Variants in MFHAS1 observed in about 807,000 individuals in gnomAD.
MFHAS1 encodes malignant fibrous histiocytoma-amplified sequence 1.
MFHAS1 carries 50 observed loss-of-function variants against 70.4 expected under a neutral mutation model. The ratio of observed to expected loss-of-function variants is 0.71; its 90% CI spans 0.57 to 0.90. The LOEUF is 0.90. MFHAS1 is among the 40% of genes least tolerant of loss of function. MFHAS1 has a pLI of 0.00. For synonymous variants in MFHAS1, 952 were observed against 620.0 expected (o/e 1.54, Z -7.96); for missense variants, 1,795 against 1,347.6 (o/e 1.33, Z -5.20).
At chr8:8,852,230 T>A (rs1481940402) in intron 1 of MFHAS1, among the ~76,000 whole-genome samples, 4 of 152,104 alleles carry the variant, frequency 2.6e-5, no homozygotes, top group Non-Finnish European at 4.4e-5. Context: ...GTAATCACAT[T>A]TGGGAAGCCG....
rs541687170 is a variant in MFHAS1 at position 8,807,213 on chromosome 8, C to T, written c.2999-9722G>A. On this transcript the variant is annotated intron_variant, in intron 1 of 2. Transcript: ENST00000276282. The stretch of plus-strand genomic sequence containing the variant: ...ACGTCCTTATCTGACCAAGAGCGCT[C>T]ACCAAAAGAAACATAAATGCTTTCT... 3.5e-4 allele frequency among the ~76,000 whole-genome samples: 54 copies of T among 152,220 alleles called. No individual in the cohort carries two copies. In the South Asian group the frequency reaches 0.01, roughly 29 times the overall value.
Position 8,892,054 on chromosome 8 carries a change from C to A in MFHAS1, c.1005G>T (p.Pro335=), listed in dbSNP as rs1810075301. Residue 335 remains proline, a synonymous_variant, in exon 1 of 3, where the codon CCG becomes CCT. Transcript: ENST00000276282. This position sits in a 1 kb window ranked among gnomAD's most constrained non-coding sequence, Gnocchi z 4.7. ...GGCCGGTCAGCTCCACGATGGAGTC[C>A]GGCAGGTAGCGGATGCGGTTATTAT... ...WLDNNRIRYL[P]DSIVELTGLE... 1 of 1,613,348 alleles carries A rather than the reference C, an allele frequency of 6.2e-7. No homozygotes were observed. The highest frequency in any genetic ancestry group is 8.5e-7 in the Non-Finnish European group (1 of 1,180,002).
chr8:8,882,685 C>G (rs1038270044), intron 1 of MFHAS1, among the ~76,000 whole-genome samples: 8 of 152,210 alleles, frequency 5.3e-5, no homozygotes, highest in African/African-American at 1.9e-4. Context: ...CTGACCCCTT[C>G]TACCTGATCT....
intron 1 of MFHAS1, among the ~76,000 whole-genome samples, chr8:8,812,169 C>A (rs905974103): frequency 3.4e-5 from 4 of 119,070 alleles, no homozygotes; most frequent in African/African-American, 1.0e-4. Context: ...CTCGGAGAAG[C>A]CCGTAAGTGT....
At chr8:8,871,262 A>G (rs1809065298) in intron 1 of MFHAS1, among the ~76,000 whole-genome samples, 1 of 152,114 alleles carries the variant, frequency 6.6e-6, no homozygotes, top group Non-Finnish European at 1.5e-5. Flanking sequence ...GGTAAAAACT[A>G]CTTGCAGCTG....
At chr8:8,889,981 T>C (rs907704556) in intron 1 of MFHAS1, 80 bp downstream of exon 1, 91 of 1,217,860 alleles carry the variant, frequency 7.5e-5, no homozygotes, top group Non-Finnish European at 1.0e-4. Flanking sequence ...AAACAAACAT[T>C]CTGCCAAATG....
At chr8:8,829,950 A>G (rs1284852675) in intron 1 of MFHAS1, among the ~76,000 whole-genome samples, 1 of 152,224 alleles carries the variant, frequency 6.6e-6, no homozygotes, top group Admixed American at 6.5e-5. Flanking sequence ...CTGTTCAACT[A>G]GAACAGTGCT....
At chr8:8,859,126 A>G (rs1172544701) in intron 1 of MFHAS1, among the ~76,000 whole-genome samples, 1 of 152,168 alleles carries the variant, frequency 6.6e-6, no homozygotes, top group African/African-American at 2.4e-5. Context: ...GCTGAGATGC[A>G]AGGATCACTT....
At chr8:8,828,368 G>A (rs1259512192) in intron 1 of MFHAS1, among the ~76,000 whole-genome samples, 2 of 152,220 alleles carry the variant, frequency 1.3e-5, no homozygotes, top group Non-Finnish European at 2.9e-5. Context: ...ATAGTGGGGA[G>A]GCAGAACACA....
At chr8:8,829,392 T>C (rs762270983) in intron 1 of MFHAS1, among the ~76,000 whole-genome samples, 3 of 152,236 alleles carry the variant, frequency 2.0e-5, no homozygotes, top group Non-Finnish European at 2.9e-5. Flanking sequence ...TATCAGATCG[T>C]GAGATCTGTC....
chr8:8,801,256 T>G (rs375565377), intron 1 of MFHAS1, among the ~76,000 whole-genome samples: 1 of 152,072 alleles, frequency 6.6e-6, no homozygotes, highest in Non-Finnish European at 1.5e-5. Context: ...AGCAGACTAT[T>G]AAGCCTCCAT....
Position 8,892,759 on chromosome 8 carries a change from G to A in MFHAS1, c.300C>T (p.Ala100=), listed in dbSNP as rs755029132. The A allele has an allele frequency of 2.5e-6, 4 of 1,578,278 alleles. No homozygotes were observed. Among genetic ancestry groups the A allele is most frequent in the Non-Finnish European group, 2.6e-6 (3 of 1,164,158 alleles). The change falls in exon 1 of 3, where the codon GCC becomes GCT. Residue 100 remains alanine (A), a synonymous_variant. Coordinates refer to ENST00000276282, the MANE Select transcript of MFHAS1 (RefSeq NM_004225.3). This position sits in a 1 kb window ranked among gnomAD's most constrained non-coding sequence, Gnocchi z 4.7. ...RVLVLRRNRF[A]RLPPAVAELG... ...GCTCGGCCACCGCCGGGGGCAGCCG[G>A]GCGAAGCGGTTCCTGCGCAGGACCA...
Position 8,880,396 on chromosome 8 carries a change from A to G in MFHAS1, c.2998+9665T>C, listed in dbSNP as rs142897353. 7.6e-3 allele frequency among the ~76,000 whole-genome samples: 1,158 copies of G among 152,262 alleles called. 19 individuals carry two copies. The highest frequency in any genetic ancestry group is 0.027 in the African/African-American group (1,109 of 41,544). ...TAGTTTACTTTAAAATGGCTTTTTCATATTATGTGACTTTCACTCAATAGG... is the reference window on the plus strand; with the variant it reads ...TAGTTTACTTTAAAATGGCTTTTTCGTATTATGTGACTTTCACTCAATAGG... On this transcript the variant is annotated intron_variant, in intron 1 of 2. Coordinates refer to ENST00000276282, the MANE Select transcript of MFHAS1 (RefSeq NM_004225.3).
At chr8:8,876,653 A>C (rs1290953400) in intron 1 of MFHAS1, among the ~76,000 whole-genome samples, 1 of 151,958 alleles carries the variant, frequency 6.6e-6, no homozygotes, top group Non-Finnish European at 1.5e-5. Flanking sequence ...CTGGGATTAC[A>C]GGTGTGAGCC....
chr8:8,811,646 C>A (rs1026621831), intron 1 of MFHAS1, among the ~76,000 whole-genome samples: 1 of 152,210 alleles, frequency 6.6e-6, no homozygotes, highest in African/African-American at 2.4e-5. Context: ...GCTGCGTCTC[C>A]TCTGCAGGGA....
chr8:8,856,887 G>C (rs796564775), intron 1 of MFHAS1, among the ~76,000 whole-genome samples: 8 of 139,650 alleles, frequency 5.7e-5, no homozygotes, highest in African/African-American at 1.6e-4. Context: ...TGCCCTAGAA[G>C]CCACTAGGAT....
intron 2 of MFHAS1, chr8:8,790,266 G>C: frequency 3.7e-6 from 2 of 538,480 alleles, no homozygotes; most frequent in Non-Finnish European, 4.7e-6. Context: ...TAATCTCTCT[G>C]AGTCCTCAAG....
At chr8:8,793,002 T>C (rs992619130) in intron 2 of MFHAS1, among the ~76,000 whole-genome samples, 6 of 152,182 alleles carry the variant, frequency 3.9e-5, no homozygotes, top group African/African-American at 7.2e-5. Context: ...TTCTATCTGA[T>C]AATCAGCAAG....
chr8:8,872,659 C>T, intron 1 of MFHAS1, among the ~76,000 whole-genome samples: 1 of 152,124 alleles, frequency 6.6e-6, no homozygotes, highest in Non-Finnish European at 1.5e-5. Flanking sequence ...GAGAGGTTAA[C>T]ACACAGCTGA....
Sources: allele counts gnomAD v4.1 joint callset (sites outside exome capture counted in the v4.1 genomes callset), GRCh38; gene constraint gnomAD v4.1.1; non-coding constraint Gnocchi (gnomAD v3.1); transcripts MANE v1.5; gene names NCBI Gene and HGNC (gene_info 2026-07-23, HGNC 2026-07-21).